Variants in MAP3K7 observed in about 807,000 individuals in gnomAD.
MAP3K7 encodes mitogen-activated protein kinase kinase kinase 7.
Under a neutral mutation model 84.8 loss-of-function variants are expected in MAP3K7, and 21 were observed. The ratio of observed to expected loss-of-function variants is 0.25; its 90% CI spans 0.18 to 0.36. The LOEUF (loss-of-function observed/expected upper bound fraction) is 0.36. Ranked by LOEUF, MAP3K7 falls within the 10% of genes least tolerant of loss-of-function variation. The pLI is 1.00. For synonymous variants in MAP3K7, 241 were observed against 247.7 expected, an observed-to-expected ratio of 0.97 and a Z score of 0.25; for missense variants, 503 against 747.7, an observed-to-expected ratio of 0.67 and a Z score of 3.82.
intron 8 of MAP3K7, chr6:90,551,705 T>C (rs1776184261): frequency 5.7e-6 from 1 of 175,282 alleles, no homozygotes; most frequent in African/African-American, 2.4e-5. Context: ...TATTAATATA[T>C]CCAAGTCCTG....
intron 11 of MAP3K7, among the ~76,000 whole-genome samples, chr6:90,546,816 A>G (rs950558942): frequency 6.6e-6 from 1 of 152,206 alleles, no homozygotes; most frequent in African/African-American, 2.4e-5. Flanking sequence ...GAAGAAGCAG[A>G]TAGAAGGTCA....
intron 13 of MAP3K7, among the ~76,000 whole-genome samples, chr6:90,529,268 T>C (rs1264473987): frequency 6.6e-6 from 1 of 152,164 alleles, no homozygotes; most frequent in African/African-American, 2.4e-5. Context: ...GACCTCATAT[T>C]CACCTAAAGA....
intron 13 of MAP3K7, among the ~76,000 whole-genome samples, chr6:90,526,051 G>A (rs1481871691): frequency 2.0e-5 from 3 of 152,044 alleles, no homozygotes; most frequent in Admixed American, 1.3e-4. Flanking sequence ...ATCTTGTTAT[G>A]TTGCCCAGGC....
intron 1 of MAP3K7, among the ~76,000 whole-genome samples, chr6:90,575,414 C>A (rs1317404365): frequency 6.6e-6 from 1 of 152,120 alleles, no homozygotes; most frequent in Non-Finnish European, 1.5e-5. Context: ...TCACTTAGAT[C>A]CCTAAGAGCA....
chr6:90,531,394 G>A (rs1402174376), intron 13 of MAP3K7, among the ~76,000 whole-genome samples: 4 of 152,100 alleles, frequency 2.6e-5, no homozygotes, highest in Non-Finnish European at 5.9e-5. Context: ...ATTAAATGAT[G>A]ACTTCTATGA....
At chr6:90,570,107 T>C (rs144905581) in intron 2 of MAP3K7, among the ~76,000 whole-genome samples, 1 of 152,298 alleles carries the variant, frequency 6.6e-6, no homozygotes, top group Non-Finnish European at 1.5e-5. Flanking sequence ...GATAGCAGAT[T>C]ATACAAGCAT....
chr6:90,565,358 C>A (rs527257745), intron 3 of MAP3K7, among the ~76,000 whole-genome samples: 1 of 151,880 alleles, frequency 6.6e-6, no homozygotes. Context: ...CAAATAGACA[C>A]GATAAAAAAT....
At chr6:90,535,338 TATC>T (rs1562085258) in intron 13 of MAP3K7, among the ~76,000 whole-genome samples, 1 of 151,828 alleles carries the variant, frequency 6.6e-6, no homozygotes, top group Non-Finnish European at 1.5e-5. Flanking sequence ...TAATACATAT[TATC>T]ATAAATTACA....
At chr6:90,579,324 G>A (rs1777189651) in intron 1 of MAP3K7, among the ~76,000 whole-genome samples, 1 of 152,150 alleles carries the variant, frequency 6.6e-6, no homozygotes, top group Non-Finnish European at 1.5e-5. Context: ...CTCCAAAGAT[G>A]GCTGTCAACA....
intron 16 of MAP3K7, 66 bp downstream of exon 16, chr6:90,518,381 A>C: frequency 1.2e-6 from 1 of 831,358 alleles, no homozygotes. Context: ...TTTTCATTGC[A>C]CCTTATCATA....
chr6:90,576,626 T>C (rs1340629208), intron 1 of MAP3K7, among the ~76,000 whole-genome samples: 5 of 152,204 alleles, frequency 3.3e-5, no homozygotes, highest in South Asian at 4.1e-4. Context: ...CTTGTTCTCA[T>C]TGTTTATATT....
At chr6:90,578,931 T>C (rs1194974149) in intron 1 of MAP3K7, among the ~76,000 whole-genome samples, 1 of 152,238 alleles carries the variant, frequency 6.6e-6, no homozygotes, top group African/African-American at 2.4e-5. Flanking sequence ...CTTACAAATA[T>C]GATGGAGTTT....
At position 90,552,183 on chromosome 6, in the gene MAP3K7, C is replaced by T; in HGVS notation, c.737-4G>A. ...TTTATCAGTGGTGGTCGAGTACCTA[C>T]AATTGAAAATGAGAGGAAGGGGGGA... On this transcript the variant is annotated splice_polypyrimidine_tract_variant and splice_region_variant and intron_variant, in intron 7 of 16. Transcript: ENST00000369329. 1 of 1,597,166 alleles carries T rather than the reference C, an allele frequency of 6.3e-7. No homozygotes were observed. Among genetic ancestry groups the T allele is most frequent in the African/African-American group, 1.3e-5 (1 of 74,822 alleles).
In MAP3K7 at chr6:90,514,689, T is replaced by C. The variant is rs1774902513; in HGVS notation, c.*1812A>G. On this transcript the variant is annotated 3_prime_UTR_variant, in exon 17 of 17. Coordinates refer to ENST00000369329, the MANE Select transcript of MAP3K7 (RefSeq NM_145331.3). ...CTCGTGCTGAGATAAAAGGCCTCTT[T>C]AAAGTGACTAGGTCCCTTTCAGTGG... The C allele has an allele frequency of 2.0e-5, 3 of 152,048 alleles. No individual in the cohort carries two copies. The highest frequency in any genetic ancestry group is 2.0e-4 in the Admixed American group (3 of 15,216). 9.4% of individuals were successfully genotyped at this position (152,048 alleles called of 1,614,324 possible). A position where few individuals can be genotyped will look rare whatever the true frequency, so the allele number is the denominator to read the frequency against.
intron 12 of MAP3K7, chr6:90,542,043 A>G (rs1309843360): frequency 6.3e-6 from 1 of 159,960 alleles, no homozygotes; most frequent in Non-Finnish European, 1.3e-5. Flanking sequence ...TTTTAATGCT[A>G]ATTAAACAGT....
intron 13 of MAP3K7, among the ~76,000 whole-genome samples, chr6:90,532,274 T>C (rs943293391): frequency 2.1e-4 from 32 of 152,172 alleles, no homozygotes; most frequent in African/African-American, 7.7e-4. Flanking sequence ...TCTTTCCAAG[T>C]GCTATTTTCT....
intron 2 of MAP3K7, among the ~76,000 whole-genome samples, chr6:90,570,027 T>C (rs1437733527): frequency 2.6e-5 from 4 of 152,128 alleles, no homozygotes; most frequent in African/African-American, 9.7e-5. Flanking sequence ...TCACTATTTA[T>C]TATATTTATT....
chr6:90,580,297 A>G (rs139777942), intron 1 of MAP3K7, among the ~76,000 whole-genome samples: 813 of 152,344 alleles, frequency 5.3e-3, no homozygotes, highest in Non-Finnish European at 9.0e-3. Flanking sequence ...CTCTTGAGAC[A>G]TACTGGCAAC....
intron 1 of MAP3K7, among the ~76,000 whole-genome samples, chr6:90,585,260 C>T (rs1339445572): frequency 6.6e-6 from 1 of 152,072 alleles, no homozygotes; most frequent in East Asian, 1.9e-4. Flanking sequence ...CTCTTTCCAC[C>T]ATATTATCTT....
Sources: gnomAD v4.1 joint callset for allele counts (sites outside exome capture counted in the v4.1 genomes callset) on GRCh38, gnomAD v4.1.1 for gene constraint, MANE v1.5 for transcripts, NCBI Gene and HGNC (gene_info 2026-07-23, HGNC 2026-07-21) for gene names.